Variants in ACTR5 observed in about 807,000 individuals in gnomAD.
ACTR5 encodes actin related protein 5, also known as actin-related protein 5.
Under a neutral mutation model 61.2 loss-of-function variants are expected in ACTR5, and 43 were observed. The observed-to-expected ratio is 0.70, with a 90% CI of 0.55 to 0.91. The LOEUF is 0.91. Among genes scored for constraint, ACTR5 ranks in the 40% least tolerant of loss-of-function variants. The pLI is 0.00. For synonymous variants in ACTR5, 333 were observed against 310.5 expected, an observed-to-expected ratio of 1.07 and a Z score of -0.76; for missense variants, 798 against 782.2, an observed-to-expected ratio of 1.02 and a Z score of -0.24.
intron 8 of ACTR5, among the ~76,000 whole-genome samples, chr20:38,771,175 T>C (rs901513635): frequency 6.6e-6 from 1 of 152,208 alleles, no homozygotes; most frequent in Admixed American, 6.5e-5. Context: ...CAGCGGCCCC[T>C]GTTTCCCTCT....
At chr20:38,753,361 C>T (rs1337125127) in intron 3 of ACTR5, among the ~76,000 whole-genome samples, 1 of 151,080 alleles carries the variant, frequency 6.6e-6, no homozygotes, top group Non-Finnish European at 1.5e-5. Flanking sequence ...TTTTTATCCA[C>T]AATAAACAGG....
chr20:38,772,017 G>A lies in ACTR5; in HGVS notation c.*201G>A, dbSNP rs1046127386. On this transcript the variant is annotated 3_prime_UTR_variant, in exon 9 of 9. Coordinates refer to ENST00000243903, the MANE Select transcript of ACTR5 (RefSeq NM_024855.4). ...ATTCGGTTCACTTGGGGGCTTCTGT[G>A]GTAGAGACTAACTGGCCTTCTGATG... 5.8e-6 allele frequency: 4 copies of A among 691,610 alleles called. No individual in the cohort carries two copies. The highest frequency in any genetic ancestry group is 7.0e-6 in the Non-Finnish European group (3 of 426,358). 42.8% of individuals were successfully genotyped at this position (691,610 alleles called of 1,614,324 possible).
chr20:38,765,403 C>T lies in ACTR5; in HGVS notation c.1178C>T (p.Thr393Ile), dbSNP rs1429255738. ...EVDVVDSKPE[T>I]PDLEQLEPSL... ...GTTTCATTTTGCTCCTTCTCTTAGA[C>T]CCCTGACCTGGAGCAGCTGGAGCCG... Residue 393 changes from threonine (T) to isoleucine (I), a missense_variant and splice_region_variant, in exon 6 of 9, where the codon ACC (threonine) becomes ATC (isoleucine). Thr to Ile is a moderately conservative substitution (Grantham distance 89, BLOSUM62 -1). Transcript: ENST00000243903. The T allele has an allele frequency of 8.1e-6, 13 of 1,613,296 alleles. No individual in the cohort carries two copies. Among genetic ancestry groups the T allele is most frequent in the Non-Finnish European group, 1.0e-5 (12 of 1,179,264 alleles).
chr20:38,767,489 C>G lies in ACTR5; in HGVS notation c.1459C>G (p.Leu487Val). 1 of 1,613,968 alleles carries G rather than the reference C, an allele frequency of 6.2e-7. No individual in the cohort carries two copies. Among genetic ancestry groups the G allele is most frequent in the East Asian group, 2.2e-5 (1 of 44,880 alleles). ...DRYPKDIQEMLVQNVFLTGGN... is the reference protein window; with the variant it reads ...DRYPKDIQEMVVQNVFLTGGN... The stretch of plus-strand genomic sequence containing the variant: ...GTACCCAAAGGACATTCAGGAAATG[C>G]TGGTTCAGAACGTTTTCCTCACTGG... The change falls in exon 8 of 9, where the codon CTG becomes GTG. Residue 487 changes from leucine (L) to valine (V), a missense_variant. Leu to Val is a conservative substitution (Grantham distance 32, BLOSUM62 1). Coordinates refer to ENST00000243903, the MANE Select transcript of ACTR5 (RefSeq NM_024855.4).
At chr20:38,764,449 T>C (rs1233039966) in intron 5 of ACTR5, among the ~76,000 whole-genome samples, 1 of 152,206 alleles carries the variant, frequency 6.6e-6, no homozygotes, top group Non-Finnish European at 1.5e-5. Flanking sequence ...CCCCAACTTA[T>C]TTTGTACAGT....
In ACTR5 at chr20:38,769,921, G is replaced by C. The variant is rs562699365; in HGVS notation, c.1567-1638G>C. On this transcript the variant is annotated intron_variant, in intron 8 of 8. Transcript: ENST00000243903. ...ATGAGCATGGGGCTGGGTCACGCTG[G>C]CAGCGGCGACTTAGGATGAAGTAGT... Among the ~76,000 whole-genome samples, 8 of 152,250 alleles carry C rather than the reference G, an allele frequency of 5.3e-5. No homozygotes were observed. In the South Asian group the frequency reaches 6.2e-4, roughly 12 times the overall value.
At chr20:38,757,904 C>T (rs1182006404) in intron 5 of ACTR5, among the ~76,000 whole-genome samples, 1 of 151,298 alleles carries the variant, frequency 6.6e-6, no homozygotes, top group Non-Finnish European at 1.5e-5. Context: ...TGTGCCTTTT[C>T]CATTTTGCTT....
intron 5 of ACTR5, among the ~76,000 whole-genome samples, chr20:38,758,646 CAA>C (rs11476846): frequency 6.1e-4 from 86 of 141,630 alleles, no homozygotes; most frequent in East Asian, 6.2e-4. Context: ...GACCCCGTCT[CAA>C]AAAAAAAAAA....
intron 1 of ACTR5, among the ~76,000 whole-genome samples, chr20:38,749,333 G>C (rs2084372405): frequency 6.6e-6 from 1 of 152,202 alleles, no homozygotes; most frequent in East Asian, 1.9e-4. Flanking sequence ...GGACTTGAAG[G>C]AGGTGATTCA....
intron 5 of ACTR5, among the ~76,000 whole-genome samples, chr20:38,758,562 G>A (rs1048800574): frequency 3.3e-5 from 5 of 151,928 alleles, no homozygotes; most frequent in Admixed American, 2.0e-4. Context: ...CAGGAGAATC[G>A]CTTGAACCCA....
chr20:38,750,649 T>G (rs565317909), intron 2 of ACTR5, among the ~76,000 whole-genome samples: 3 of 152,214 alleles, frequency 2.0e-5, no homozygotes, highest in South Asian at 2.1e-4. Context: ...TTGTTTGTTT[T>G]TTGACAGAGT....
At chr20:38,760,795 T>C (rs2084449113) in intron 5 of ACTR5, among the ~76,000 whole-genome samples, 1 of 152,160 alleles carries the variant, frequency 6.6e-6, no homozygotes, top group Non-Finnish European at 1.5e-5. Context: ...GGGTAGATGG[T>C]AGTGCCTTTT....
chr20:38,755,295 G>A, intron 4 of ACTR5, 121 bp downstream of exon 4: 11 of 1,067,800 alleles, frequency 1.0e-5, no homozygotes, highest in South Asian at 1.7e-5. Flanking sequence ...TTGGGGTCAC[G>A]AAGGAGTCCA....
At chr20:38,760,152 T>C (rs1344434418) in intron 5 of ACTR5, among the ~76,000 whole-genome samples, 1 of 130,342 alleles carries the variant, frequency 7.7e-6, no homozygotes, top group African/African-American at 2.9e-5. Flanking sequence ...AGACCCTGTC[T>C]AAAAAAAAAA....
chr20:38,759,887 G>T (rs1312426153), intron 5 of ACTR5, among the ~76,000 whole-genome samples: 1 of 152,082 alleles, frequency 6.6e-6, no homozygotes, highest in Non-Finnish European at 1.5e-5. Flanking sequence ...GATTATTTGG[G>T]CCGGGCACAG....
intron 8 of ACTR5, among the ~76,000 whole-genome samples, chr20:38,768,802 A>G (rs2084503352): frequency 6.6e-6 from 1 of 152,200 alleles, no homozygotes; most frequent in Non-Finnish European, 1.5e-5. Context: ...TTTCTAAGGT[A>G]ACAGTAGGGT....
At chr20:38,755,323 G>A in intron 4 of ACTR5, 149 bp downstream of exon 4, 1 of 798,760 alleles carries the variant, frequency 1.3e-6, no homozygotes, top group Non-Finnish European at 2.0e-6. Context: ...CATCAGCATA[G>A]AATACAGTGT....
intron 8 of ACTR5, among the ~76,000 whole-genome samples, 157 bp downstream of exon 8, chr20:38,767,753 C>T (rs1485688851): frequency 2.0e-5 from 3 of 152,186 alleles, no homozygotes; most frequent in Admixed American, 2.0e-4. Flanking sequence ...AAATGGGAAT[C>T]ATGTTTTATA....
At chr20:38,759,626 C>T (rs1171386247) in intron 5 of ACTR5, among the ~76,000 whole-genome samples, 2 of 152,042 alleles carry the variant, frequency 1.3e-5, no homozygotes, top group Non-Finnish European at 2.9e-5. Flanking sequence ...TTACAATCAT[C>T]TCTATTTCAG....
Sources: gnomAD v4.1 joint callset for allele counts (sites outside exome capture counted in the v4.1 genomes callset) on GRCh38, gnomAD v4.1.1 for gene constraint, MANE v1.5 for transcripts, NCBI Gene and HGNC (gene_info 2026-07-23, HGNC 2026-07-21) for gene names.